RPS6KC1: variants seen among roughly 807,000 people sequenced by gnomAD.
RPS6KC1 encodes the protein ribosomal protein S6 kinase C1.
In RPS6KC1, 54 loss-of-function variants were observed where a neutral mutation model predicts 103.8. That is an observed-to-expected ratio of 0.52 (90% CI 0.42 to 0.65). RPS6KC1 has a LOEUF of 0.65. Among genes scored for constraint, RPS6KC1 ranks in the 30% least tolerant of loss-of-function variants. The probability of loss-of-function intolerance (pLI) is 0.00; values close to 1 mark genes in which losing one functional copy is unlikely to be tolerated. For missense variants in RPS6KC1, 1,151 were observed against 1,253.8 expected (o/e 0.92, Z 1.24); for synonymous variants, 439 against 438.7 (o/e 1.00, Z -0.01).
chr1:213,262,149 G>A (rs1476876905), intron 13 of RPS6KC1, among the ~76,000 whole-genome samples: 2 of 152,136 alleles, frequency 1.3e-5, no homozygotes, highest in Non-Finnish European at 2.9e-5. Context: ...TGATGTTTGA[G>A]TTAGTAGACT....
intron 3 of RPS6KC1, among the ~76,000 whole-genome samples, chr1:213,098,854 A>G (rs2081739113): frequency 6.6e-6 from 1 of 152,232 alleles, no homozygotes; most frequent in African/African-American, 2.4e-5. Flanking sequence ...TTGTAAAAAA[A>G]TGCAGTATCT....
chr1:213,343,862 A>C, the RPS6KC1 span, among the ~76,000 whole-genome samples: 1 of 152,172 alleles, frequency 6.6e-6, no homozygotes, highest in East Asian at 1.9e-4. Context: ...ATGAAAGAAA[A>C]ATAATCAGAT....
chr1:213,481,506 T>C, the RPS6KC1 span, among the ~76,000 whole-genome samples: 1 of 152,222 alleles, frequency 6.6e-6, no homozygotes, highest in Non-Finnish European at 1.5e-5. Context: ...TATGTATTGT[T>C]CTTATTTCAA....
chr1:213,059,615 G>C (rs532447401), intron 1 of RPS6KC1, among the ~76,000 whole-genome samples: 2 of 152,268 alleles, frequency 1.3e-5, no homozygotes, highest in Non-Finnish European at 2.9e-5. Flanking sequence ...CCGGGTTCAA[G>C]TGATTCTCCT....
At chr1:213,580,048 AT>A in the RPS6KC1 span, among the ~76,000 whole-genome samples, 1 of 152,014 alleles carries the variant, frequency 6.6e-6, no homozygotes, top group African/African-American at 2.4e-5. Context: ...TAAAACGTAC[AT>A]TTTGTAAGGT....
At chr1:213,064,092 G>A (rs1439479173) in intron 1 of RPS6KC1, among the ~76,000 whole-genome samples, 1 of 151,896 alleles carries the variant, frequency 6.6e-6, no homozygotes, top group Non-Finnish European at 1.5e-5. Flanking sequence ...AGTTTCACTT[G>A]GTCACCCAGG....
the RPS6KC1 span, among the ~76,000 whole-genome samples, chr1:213,363,829 T>C: frequency 1.4e-5 from 2 of 144,434 alleles, no homozygotes; most frequent in African/African-American, 5.3e-5. Context: ...CTCTTTTTTT[T>C]TTTTTTCTGG....
the RPS6KC1 span, among the ~76,000 whole-genome samples, chr1:213,459,512 C>G: frequency 1.3e-5 from 2 of 151,662 alleles, no homozygotes; most frequent in Non-Finnish European, 2.9e-5. Flanking sequence ...TAGAGGTCTA[C>G]TTTGTTAATC....
intron 3 of RPS6KC1, among the ~76,000 whole-genome samples, chr1:213,099,544 A>G (rs2081822901): frequency 2.0e-5 from 3 of 152,212 alleles, no homozygotes. Flanking sequence ...TTAAATGCAC[A>G]AATCTTAAGT....
At chr1:213,150,823 G>A (rs1011799753) in intron 6 of RPS6KC1, among the ~76,000 whole-genome samples, 100 of 152,346 alleles carry the variant, frequency 6.6e-4, no homozygotes, top group Middle Eastern at 3.4e-3. Context: ...TCAATGAGCC[G>A]TTGGGCACAC....
At chr1:213,773,757 C>G in the RPS6KC1 span, among the ~76,000 whole-genome samples, 21,478 of 152,032 alleles carry the variant, frequency 0.14, 1,633 homozygotes, top group Middle Eastern at 0.29. Context: ...TTAAGCCTTC[C>G]ATTGATTAGA....
chr1:213,633,699 A>G, the RPS6KC1 span, among the ~76,000 whole-genome samples: 3 of 151,722 alleles, frequency 2.0e-5, no homozygotes, highest in Admixed American at 2.0e-4. Flanking sequence ...ACATAACAAT[A>G]TTAATCTTAA....
At chr1:213,112,532 T>C (rs570410608) in intron 4 of RPS6KC1, among the ~76,000 whole-genome samples, 34 of 151,670 alleles carry the variant, frequency 2.2e-4, no homozygotes, top group African/African-American at 8.2e-4. Flanking sequence ...TGTATACAAG[T>C]GGTTCTCAAA....
chr1:213,657,691 G>A, the RPS6KC1 span, among the ~76,000 whole-genome samples: 1 of 152,152 alleles, frequency 6.6e-6, no homozygotes, highest in African/African-American at 2.4e-5. Context: ...TAAGAAATAA[G>A]AATTTGAAAA....
the RPS6KC1 span, among the ~76,000 whole-genome samples, chr1:213,678,714 G>C: frequency 1.3e-5 from 2 of 152,194 alleles, no homozygotes; most frequent in African/African-American, 4.8e-5. Context: ...AATCATCAGT[G>C]AGGTTTGATA....
chr1:213,300,296 A>G, the RPS6KC1 span, among the ~76,000 whole-genome samples: 1 of 152,238 alleles, frequency 6.6e-6, no homozygotes, highest in Non-Finnish European at 1.5e-5. Context: ...ACAGCCACAC[A>G]GGTGCCTAAT....
chr1:213,486,668 A>C, the RPS6KC1 span, among the ~76,000 whole-genome samples: 1 of 152,206 alleles, frequency 6.6e-6, no homozygotes, highest in African/African-American at 2.4e-5. Flanking sequence ...TGATGACATC[A>C]TAAGAGGCCA....
chr1:213,099,993 T>C (rs1433149243), intron 3 of RPS6KC1, among the ~76,000 whole-genome samples: 1 of 152,218 alleles, frequency 6.6e-6, no homozygotes, highest in Non-Finnish European at 1.5e-5. Context: ...GAATATAATT[T>C]CTGGATCATA....
At chr1:213,481,711 G>A in the RPS6KC1 span, among the ~76,000 whole-genome samples, 3,083 of 152,158 alleles carry the variant, frequency 0.02, 110 homozygotes, top group African/African-American at 0.071. Flanking sequence ...TGTTGCTGTT[G>A]CTAATTTTTA....
Sources: gnomAD v4.1 joint callset for allele counts (sites outside exome capture counted in the v4.1 genomes callset) on GRCh38, gnomAD v4.1.1 for gene constraint, MANE v1.5 for transcripts, NCBI Gene and HGNC (gene_info 2026-07-23, HGNC 2026-07-21) for gene names.